Variants in DCAF8L2 observed in about 807,000 individuals in gnomAD.
DCAF8L2 encodes DDB1- and CUL4-associated factor 8-like protein 2.
For synonymous variants in DCAF8L2, 200 were observed against 190.9 expected, an observed-to-expected ratio of 1.05 and a Z score of -0.39; for missense variants, 430 against 490.7, an observed-to-expected ratio of 0.88 and a Z score of 1.17.
chrX:27,712,851 G>A (rs923678890), intron 3 of DCAF8L2, among the ~76,000 whole-genome samples: 1 of 111,922 alleles, frequency 8.9e-6, no homozygotes. Flanking sequence ...AACCACTAGT[G>A]GAAGCTTTAA....
chrX:27,523,725 G>C, the DCAF8L2 span, among the ~76,000 whole-genome samples: 1 of 108,670 alleles, frequency 9.2e-6, no homozygotes, highest in Non-Finnish European at 1.9e-5. Context: ...CAGTTAACTC[G>C]TCATTTGCAT....
the DCAF8L2 span, among the ~76,000 whole-genome samples, chrX:27,546,272 C>A: frequency 5.4e-5 from 6 of 111,991 alleles, no homozygotes; most frequent in African/African-American, 1.6e-4. Context: ...AATGCTGATG[C>A]AAGAGGTGGG....
At chrX:27,599,162 T>C (rs144253958) in intron 1 of DCAF8L2, among the ~76,000 whole-genome samples, 2 of 110,710 alleles carry the variant, frequency 1.8e-5, no homozygotes, top group Non-Finnish European at 3.8e-5. Flanking sequence ...GTGGTATATA[T>C]ACAGAATAAA....
chrX:27,606,290 TTA>T (rs1306815647), intron 1 of DCAF8L2, among the ~76,000 whole-genome samples: 5 of 81,287 alleles, frequency 6.2e-5, no homozygotes, highest in South Asian at 5.4e-4. Context: ...TATATAGGAA[TTA>T]TATATATATG....
intron 1 of DCAF8L2, among the ~76,000 whole-genome samples, chrX:27,597,619 C>A (rs111529747): frequency 0.033 from 3,664 of 111,684 alleles, 131 homozygotes; most frequent in African/African-American, 0.11. Flanking sequence ...CATTTTCATA[C>A]CATGGAAACA....
At chrX:27,736,207 C>G in intron 4 of DCAF8L2, among the ~76,000 whole-genome samples, 1 of 111,124 alleles carries the variant, frequency 9.0e-6, no homozygotes, top group Non-Finnish European at 1.9e-5. Context: ...TGTACCTTCT[C>G]TTTCCTTCAT....
chrX:27,678,928 T>G (rs966301173), intron 3 of DCAF8L2, among the ~76,000 whole-genome samples: 1 of 111,800 alleles, frequency 8.9e-6, no homozygotes, highest in African/African-American at 3.3e-5. Flanking sequence ...GTCATCATTG[T>G]GTTTATGACA....
the DCAF8L2 span, among the ~76,000 whole-genome samples, chrX:27,514,221 AC>A: frequency 9.1e-6 from 1 of 109,682 alleles, no homozygotes; most frequent in Non-Finnish European, 1.9e-5. Flanking sequence ...TGTGCTATGT[AC>A]CTATATGTGT....
At chrX:27,524,788 C>G in the DCAF8L2 span, among the ~76,000 whole-genome samples, 1 of 111,553 alleles carries the variant, frequency 9.0e-6, no homozygotes, top group Non-Finnish European at 1.9e-5. Context: ...TCGTTATGTA[C>G]CCAGTAGTCA....
the DCAF8L2 span, chrX:27,518,807 T>C: frequency 4.2e-6 from 2 of 481,048 alleles, no homozygotes; most frequent in Non-Finnish European, 7.4e-6. Flanking sequence ...GAATTGTGGC[T>C]AGGTGTTGAT....
At chrX:27,559,966 C>T in the DCAF8L2 span, among the ~76,000 whole-genome samples, 2 of 26,013 alleles carry the variant, frequency 7.7e-5, no homozygotes, top group Non-Finnish European at 1.3e-4. Flanking sequence ...TCTCTTTCCA[C>T]GTTAAAAAAA....
At chrX:27,591,483 C>T (rs1414742314) in intron 1 of DCAF8L2, among the ~76,000 whole-genome samples, 1 of 111,284 alleles carries the variant, frequency 9.0e-6, no homozygotes, top group Non-Finnish European at 1.9e-5. Context: ...GCTTCTCCCC[C>T]TTCCCTCTAC....
At chrX:27,665,994 A>G (rs1002209531) in intron 2 of DCAF8L2, among the ~76,000 whole-genome samples, 4 of 111,518 alleles carry the variant, frequency 3.6e-5, no homozygotes, top group Non-Finnish European at 7.5e-5. Context: ...CTAACCTGCA[A>G]TATATCTGAC....
chrX:27,709,221 G>C (rs1213400950), intron 3 of DCAF8L2, among the ~76,000 whole-genome samples: 1 of 112,473 alleles, frequency 8.9e-6, no homozygotes, highest in Non-Finnish European at 1.9e-5. Context: ...CGCCCGACCA[G>C]TTCCACCTGC....
rs769949261 is a variant in DCAF8L2, at chrX:27,747,558, A to G, written c.663A>G (p.Gln221=). The G allele has an allele frequency of 1.7e-6, 2 of 1,187,639 alleles. No individual in the cohort carries two copies. The highest frequency in any genetic ancestry group is 2.3e-6 in the Non-Finnish European group (2 of 882,922). Residue 221 remains glutamine (Q), a synonymous_variant, in exon 5 of 5, where the codon CAA becomes CAG. Transcript: ENST00000451261. ...CCTTTGTGCAGCGTTTCCGCCTGCAATATCGTCTTGCAGACCATGTCGGCT... is the reference window on the plus strand; with the variant it reads ...CCTTTGTGCAGCGTTTCCGCCTGCAGTATCGTCTTGCAGACCATGTCGGCT... ...ARAFVQRFRL[Q]YRLADHVGCV... is the part of the protein sequence containing the mutation.
In DCAF8L2 at chrX:27,628,417, T is replaced by A. The variant is rs748617508; in HGVS notation, c.-341-3462T>A. 4.5e-4 allele frequency among the ~76,000 whole-genome samples: 50 copies of A among 111,954 alleles called. 1 individual carries two copies. The highest frequency in any genetic ancestry group is 4.7e-3 in the Middle Eastern group (1 of 215). ...TGGGAATGCAGATATCTCTTGGAGA[T>A]ACTGATTTTATTTCCTTTGTGTATA... On this transcript the variant is annotated intron_variant, in intron 1 of 4. Coordinates refer to ENST00000451261, the MANE Select transcript of DCAF8L2 (RefSeq NM_001353450.2).
chrX:27,724,255 ATTAAAT>A lies in DCAF8L2; in HGVS notation c.-59+8088_-59+8093del, dbSNP rs4009510. The stretch of plus-strand genomic sequence containing the variant: ...TTTGAAGAATTATTTTAAATAGTAG[ATTAAAT>A]TTATGTTTCTACTTGGTTTTAGATG... On this transcript the variant is annotated intron_variant, in intron 4 of 4. Coordinates refer to ENST00000451261, the MANE Select transcript of DCAF8L2 (RefSeq NM_001353450.2). Among the ~76,000 whole-genome samples, 991 of 111,257 alleles carry A rather than the reference ATTAAAT, an allele frequency of 8.9e-3. 13 individuals carry two copies. Among genetic ancestry groups the A allele is most frequent in the African/African-American group, 0.03 (922 of 30,831 alleles).
chrX:27,613,339 G>A (rs1208557355), intron 1 of DCAF8L2, among the ~76,000 whole-genome samples: 1 of 111,851 alleles, frequency 8.9e-6, no homozygotes, highest in South Asian at 3.7e-4. Context: ...ATCAGCTTAA[G>A]GAGATTTTGG....
At chrX:27,534,768 G>A in the DCAF8L2 span, among the ~76,000 whole-genome samples, 6 of 111,601 alleles carry the variant, frequency 5.4e-5, no homozygotes, top group African/African-American at 2.0e-4. Flanking sequence ...CTAGTTCTGT[G>A]GCTTACACTA....
Sources: gnomAD v4.1 joint callset for allele counts (sites outside exome capture counted in the v4.1 genomes callset) on GRCh38, gnomAD v4.1.1 for gene constraint, MANE v1.5 for transcripts, NCBI Gene and HGNC (gene_info 2026-07-23, HGNC 2026-07-21) for gene names.